Variants in HSF2 observed in about 807,000 individuals in gnomAD.
HSF2 encodes the protein heat shock factor protein 2.
Under a neutral mutation model 65.0 loss-of-function variants are expected in HSF2, and 21 were observed. The observed-to-expected ratio is 0.32, with a 90% CI of 0.23 to 0.47. The LOEUF is 0.47. Among genes scored for constraint, HSF2 ranks in the 20% least tolerant of loss-of-function variants. HSF2 has a pLI of 1.00. For missense variants in HSF2, 499 were observed against 628.1 expected (o/e 0.79, Z 2.20); for synonymous variants, 225 against 219.1 (o/e 1.03, Z -0.24).
chr6:122,416,443 A>G, intron 5 of HSF2, 147 bp downstream of exon 5: 1 of 494,152 alleles, frequency 2.0e-6, no homozygotes, highest in Non-Finnish European at 3.6e-6. Context: ...ATGAAATGAA[A>G]TTAAGCCAAG....
chr6:122,402,515 CT>C (rs1290531048), intron 1 of HSF2, among the ~76,000 whole-genome samples: 2 of 151,122 alleles, frequency 1.3e-5, no homozygotes, highest in Non-Finnish European at 2.9e-5. Flanking sequence ...CCTCAACAGG[CT>C]TTGAATTTCC....
chr6:122,431,532 AT>A lies in HSF2; in HGVS notation c.1315+20del. 1 of 1,401,666 alleles carries A rather than the reference AT, an allele frequency of 7.1e-7. No homozygotes were observed. The highest frequency in any genetic ancestry group is 1.0e-6 in the Non-Finnish European group (1 of 997,344). 86.8% of individuals were successfully genotyped at this position (1,401,666 alleles called of 1,614,324 possible). On this transcript the variant is annotated intron_variant, in intron 12 of 12. Coordinates refer to ENST00000368455, the MANE Select transcript of HSF2 (RefSeq NM_004506.4). ...CAAACCAGGTAGGTATAAATATAGT[AT>A]TCAGTCTCTGTAGGTTTTTTTAATC...
chr6:122,420,931 C>T (rs754564693), intron 7 of HSF2, among the ~76,000 whole-genome samples: 1 of 151,350 alleles, frequency 6.6e-6, no homozygotes, highest in South Asian at 2.1e-4. Flanking sequence ...TTGCTGGTCT[C>T]GAACTCCCAG....
chr6:122,431,073 G>T (rs1774453826), intron 11 of HSF2, among the ~76,000 whole-genome samples: 1 of 152,014 alleles, frequency 6.6e-6, no homozygotes, highest in Admixed American at 6.6e-5. Flanking sequence ...GAATTTAATT[G>T]CTTAGTTAAT....
rs568499262 is a variant in HSF2 at position 122,405,245 on chromosome 6, C to A, written c.93+5415C>A. 5.4e-5 allele frequency among the ~76,000 whole-genome samples: 8 copies of A among 147,680 alleles called. No individual in the cohort carries two copies. In the East Asian group the frequency reaches 1.6e-3, roughly 29 times the overall value. On this transcript the variant is annotated intron_variant, in intron 1 of 12. Coordinates refer to ENST00000368455, the MANE Select transcript of HSF2 (RefSeq NM_004506.4). ...GGCTAGCTTGGGCAACATACTGAGACCCCTGTCTCTTAAAAAAAAAAAAAA... is the reference window on the plus strand; with the variant it reads ...GGCTAGCTTGGGCAACATACTGAGAACCCTGTCTCTTAAAAAAAAAAAAAA...
intron 1 of HSF2, among the ~76,000 whole-genome samples, chr6:122,403,940 G>C (rs1188915409): frequency 2.6e-5 from 4 of 152,174 alleles, no homozygotes; most frequent in Non-Finnish European, 5.9e-5. Flanking sequence ...CAGCCTTTAC[G>C]AGTTAATGAA....
chr6:122,411,844 G>GT (rs1315636750), intron 1 of HSF2, among the ~76,000 whole-genome samples: 1 of 151,642 alleles, frequency 6.6e-6, no homozygotes, highest in Non-Finnish European at 1.5e-5. Flanking sequence ...CCAGGTGTTT[G>GT]TTTTTTGTAG....
chr6:122,399,702 G>C lies in HSF2; in HGVS notation c.-36G>C. ...TGCCGCCGCCGCTACCACCGCGTTC[G>C]GGTGTAGAATTTGGAATCCCTGCGC... On this transcript the variant is annotated 5_prime_UTR_variant, in exon 1 of 13. Transcript: ENST00000368455. 6.5e-7 allele frequency: 1 copy of C among 1,535,312 alleles called. No individual in the cohort carries two copies. Among genetic ancestry groups the C allele is most frequent in the Non-Finnish European group, 8.9e-7 (1 of 1,118,186 alleles).
intron 1 of HSF2, among the ~76,000 whole-genome samples, chr6:122,404,792 G>A (rs1773828104): frequency 6.6e-6 from 1 of 152,148 alleles, no homozygotes; most frequent in African/African-American, 2.4e-5. Flanking sequence ...GTGAATTTTT[G>A]CACTCAAAGA....
chr6:122,430,741 C>T (rs981720999), intron 11 of HSF2, among the ~76,000 whole-genome samples: 7 of 152,086 alleles, frequency 4.6e-5, no homozygotes, highest in Admixed American at 1.3e-4. Context: ...AATTAAGAAC[C>T]TCTGCACCTC....
At chr6:122,415,157 G>T (rs1774094513) in intron 4 of HSF2, among the ~76,000 whole-genome samples, 2 of 152,264 alleles carry the variant, frequency 1.3e-5, no homozygotes, top group African/African-American at 4.8e-5. Flanking sequence ...ACAACATAAT[G>T]CAGTTTCAAT....
intron 1 of HSF2, among the ~76,000 whole-genome samples, chr6:122,410,680 G>A (rs1439306881): frequency 6.6e-6 from 1 of 151,820 alleles, no homozygotes; most frequent in African/African-American, 2.4e-5. Flanking sequence ...GTTCTTTTGT[G>A]ACTGGCTTAT....
In HSF2 at chr6:122,413,590, T is replaced by A. The variant is rs372711104; in HGVS notation, c.396T>A (p.Ser132Arg). The A allele has an allele frequency of 6.2e-7, 1 of 1,600,518 alleles. No individual in the cohort carries two copies. The highest frequency in any genetic ancestry group is 8.6e-7 in the Non-Finnish European group (1 of 1,168,102). ...RQEDLTKIIS[S>R]AQKVQIKQET... ...AAGATTTAACAAAAATTATAAGTAG[T>A]GCTCAGAAGGTTCAGATAAAACAGG... Residue 132 changes from serine (S) to arginine (R), a missense_variant, in exon 4 of 13, where the codon AGT becomes AGA. Physicochemically the swap from Ser to Arg is moderately radical, Grantham distance 110. Around this residue, in one of 2 missense-constraint regions of HSF2, gnomAD observed 150 missense variants for 234.6 expected, o/e 0.64. Transcript: ENST00000368455.
At position 122,432,030 on chromosome 6, in the gene HSF2, T is replaced by G; in HGVS notation, c.1421T>G (p.Leu474Trp). 6.2e-7 allele frequency: 1 copy of G among 1,614,146 alleles called. No individual in the cohort carries two copies. The highest frequency in any genetic ancestry group is 1.1e-5 in the South Asian group (1 of 91,084). The change falls in exon 13 of 13, where the codon TTG (leucine) becomes TGG (tryptophan). Residue 474 changes from leucine to tryptophan, a missense_variant. This residue lies in a region of HSF2 where 349 missense variants were observed against 393.5 expected (regional missense o/e 0.89). Transcript: ENST00000368455. ...QASTTASSEV[L>W]SSVDKPIEVD... ...AGTACAACAGCATCATCAGAAGTTT[T>G]GTCCTCTGTAGATAAACCCATAGAA...
intron 1 of HSF2, among the ~76,000 whole-genome samples, chr6:122,401,029 C>A (rs865898289): frequency 6.6e-6 from 1 of 152,156 alleles, no homozygotes; most frequent in African/African-American, 2.4e-5. Context: ...GTTTTGACTT[C>A]TGTAATACCA....
intron 8 of HSF2, 66 bp downstream of exon 8, chr6:122,422,364 C>A: frequency 9.1e-7 from 1 of 1,099,490 alleles, no homozygotes; most frequent in Non-Finnish European, 1.3e-6. Context: ...GAGTAAAATT[C>A]AAAACTACTT....
At chr6:122,431,838 TG>T in intron 12 of HSF2, 86 bp from the exon 13 acceptor site, 1 of 1,134,502 alleles carries the variant, frequency 8.8e-7, no homozygotes, top group South Asian at 1.5e-5. Context: ...TAATTGCCTA[TG>T]TGTACATCTC....
At position 122,422,216 on chromosome 6, in the gene HSF2, G is replaced by C; in HGVS notation, c.748G>C (p.Asp250His). The C allele has an allele frequency of 6.3e-7, 1 of 1,593,998 alleles. No individual in the cohort carries two copies. ...ERISDDIIIY[D>H]VTDDNADEEN... ...GATTTCAGATGACATCATTATTTATGATGTTACTGATGATAATGCAGATGA... is the reference window on the plus strand; with the variant it reads ...GATTTCAGATGACATCATTATTTATCATGTTACTGATGATAATGCAGATGA... Residue 250 changes from aspartate to histidine, a missense_variant, in exon 8 of 13, where the codon GAT becomes CAT. By Grantham distance (81) the Asp-to-His change is moderately conservative (BLOSUM62 -1). Coordinates refer to ENST00000368455, the MANE Select transcript of HSF2 (RefSeq NM_004506.4).
At chr6:122,424,189 A>G (rs1272251147) in intron 10 of HSF2, among the ~76,000 whole-genome samples, 3 of 152,014 alleles carry the variant, frequency 2.0e-5, no homozygotes, top group African/African-American at 7.2e-5. Flanking sequence ...CACCATCCCT[A>G]TGAAGTTGAC....
Sources: gnomAD v4.1 joint callset for allele counts (sites outside exome capture counted in the v4.1 genomes callset) on GRCh38, gnomAD v4.1.1 for gene constraint, gnomAD v4.1.1 regional missense constraint, MANE v1.5 for transcripts, NCBI Gene and HGNC (gene_info 2026-07-23, HGNC 2026-07-21) for gene names.